The following OLFM2 variants were observed in gnomAD, a reference collection of about 807,000 sequenced individuals.
OLFM2 encodes the protein noelin-2.
OLFM2 carries 20 observed loss-of-function variants against 43.9 expected under a neutral mutation model. That is an observed-to-expected ratio of 0.46 (90% CI 0.32 to 0.66). The LOEUF is 0.66. Among genes scored for constraint, OLFM2 ranks in the 30% least tolerant of loss-of-function variants. The pLI is 0.04. For synonymous variants in OLFM2, 268 were observed against 278.6 expected (o/e 0.96, Z 0.38); for missense variants, 416 against 643.6 (o/e 0.65, Z 3.83).
At position 9,861,278 on chromosome 19, in the gene OLFM2, G is replaced by T. The variant is rs138767476; in HGVS notation, c.64-484C>A. On this transcript the variant is annotated intron_variant, in intron 1 of 5. Coordinates refer to ENST00000264833, the MANE Select transcript of OLFM2 (RefSeq NM_058164.4). The stretch of plus-strand genomic sequence containing the variant: ...CAGTCTTGCCCTGTCACCCAGGCTG[G>T]AGAGCAGTGGCGCGATCTGGGCTCA... Among the ~76,000 whole-genome samples, 865 of 150,840 alleles carry T rather than the reference G, an allele frequency of 5.7e-3. 4 individuals carry two copies. Among genetic ancestry groups the T allele is most frequent in the African/African-American group, 0.02 (824 of 40,958 alleles).
intron 1 of OLFM2, among the ~76,000 whole-genome samples, chr19:9,929,281 C>T (rs1282191015): frequency 6.6e-6 from 1 of 152,088 alleles, no homozygotes; most frequent in Non-Finnish European, 1.5e-5. Context: ...ACAGAAGGCT[C>T]TCAATGAATG....
chr19:9,881,953 T>G (rs1258290838), intron 1 of OLFM2, among the ~76,000 whole-genome samples: 1 of 152,190 alleles, frequency 6.6e-6, no homozygotes, highest in Non-Finnish European at 1.5e-5. Context: ...ACATATGGGC[T>G]GGGCGTGGTG....
At chr19:9,897,465 T>C (rs1194697591) in intron 1 of OLFM2, among the ~76,000 whole-genome samples, 1 of 151,942 alleles carries the variant, frequency 6.6e-6, no homozygotes, top group African/African-American at 2.4e-5. Flanking sequence ...GCCACTGCAC[T>C]CCAGCCTGGA....
intron 1 of OLFM2, among the ~76,000 whole-genome samples, chr19:9,876,281 C>T (rs1386735971): frequency 6.6e-6 from 1 of 152,134 alleles, no homozygotes; most frequent in East Asian, 1.9e-4. Context: ...TGGAAAAGGT[C>T]GCCATGGGGG....
intron 1 of OLFM2, among the ~76,000 whole-genome samples, chr19:9,871,863 T>C (rs2046445363): frequency 6.6e-6 from 1 of 152,150 alleles, no homozygotes; most frequent in East Asian, 1.9e-4. Flanking sequence ...GGTATGTTTG[T>C]TGAATGAGGA....
chr19:9,931,358 T>C (rs2086480939), intron 1 of OLFM2, among the ~76,000 whole-genome samples: 1 of 152,142 alleles, frequency 6.6e-6, no homozygotes, highest in South Asian at 2.1e-4. Flanking sequence ...CAAGTGATCT[T>C]CACACCTCAG....
At chr19:9,933,895 G>A (rs977142925) in intron 1 of OLFM2, among the ~76,000 whole-genome samples, 1 of 152,114 alleles carries the variant, frequency 6.6e-6, no homozygotes, top group East Asian at 1.9e-4. Flanking sequence ...TATTCTTCAT[G>A]CTACTTGCAT....
In OLFM2 at chr19:9,854,714, G is replaced by C; in HGVS notation, c.837C>G (p.Phe279Leu). Residue 279 changes from phenylalanine to leucine, a missense_variant, in exon 6 of 6, where the codon TTC becomes TTG. Coordinates refer to ENST00000264833, the MANE Select transcript of OLFM2 (RefSeq NM_058164.4). This position sits in a 1 kb window ranked among gnomAD's most constrained non-coding sequence, Gnocchi z 9.5. ...CCACGTTGCTCTGGTACTTGTTATA[G>C]AACAGGGAGCCGTTGTACACCACGT... ...TGHVVYNGSL[F>L]YNKYQSNVVV... is the part of the protein sequence containing the mutation. The C allele has an allele frequency of 6.2e-7, 1 of 1,614,204 alleles. No homozygotes were observed. The highest frequency in any genetic ancestry group is 8.5e-7 in the Non-Finnish European group (1 of 1,180,028).
At chr19:9,932,711 C>T (rs1266782874) in intron 1 of OLFM2, among the ~76,000 whole-genome samples, 2 of 152,110 alleles carry the variant, frequency 1.3e-5, no homozygotes, top group Non-Finnish European at 2.9e-5. Context: ...CTGAAAGCCC[C>T]AGGAAAGAGT....
intron 1 of OLFM2, among the ~76,000 whole-genome samples, chr19:9,894,010 G>C (rs780939148): frequency 6.6e-6 from 1 of 152,052 alleles, no homozygotes. Flanking sequence ...GGGTTTTCTT[G>C]GTCGGGCATG....
In OLFM2 at chr19:9,866,497, CTT is replaced by C. The variant is rs35368530; in HGVS notation, c.64-5705_64-5704del. Reference sequence around the variant, plus strand: ...CAGATGTACTAAAGAAGCCAACCCACTTTTTTTTTTTTTTTTTTTTGAGACAG... The same window carrying C: ...CAGATGTACTAAAGAAGCCAACCCACTTTTTTTTTTTTTTTTTTGAGACAG... On this transcript the variant is annotated intron_variant, in intron 1 of 5. Coordinates refer to ENST00000264833, the MANE Select transcript of OLFM2 (RefSeq NM_058164.4). 3.3e-4 allele frequency among the ~76,000 whole-genome samples: 42 copies of C among 125,538 alleles called. 1 individual carries two copies. Among genetic ancestry groups the C allele is most frequent in the African/African-American group, 7.0e-4 (23 of 33,046 alleles). The allele number at this position is 125,538 out of a possible 152,430, so 82.4% of individuals were successfully genotyped here. A position where few individuals can be genotyped will look rare whatever the true frequency, so the allele number is the denominator to read the frequency against.
intron 1 of OLFM2, among the ~76,000 whole-genome samples, chr19:9,874,329 T>TTTTC (rs386388532): frequency 9.4e-4 from 1 of 1,066 alleles, no homozygotes; most frequent in Non-Finnish European, 5.1e-3. Context: ...CCCACTGGCC[T>TTTTC]TTTTTTTTTT....
chr19:9,881,148 C>T (rs1427672253), intron 1 of OLFM2, among the ~76,000 whole-genome samples: 2 of 152,174 alleles, frequency 1.3e-5, no homozygotes, highest in African/African-American at 2.4e-5. Flanking sequence ...CTGCCTGCCT[C>T]GGCCTCCCAA....
intron 1 of OLFM2, among the ~76,000 whole-genome samples, chr19:9,898,071 A>ATTTTT (rs35231898): frequency 1.6e-5 from 2 of 127,870 alleles, no homozygotes; most frequent in Non-Finnish European, 3.2e-5. Flanking sequence ...TGCCCAGCTA[A>ATTTTT]TTTTTTTTTT....
intron 1 of OLFM2, among the ~76,000 whole-genome samples, chr19:9,926,786 C>A (rs2086456141): frequency 6.6e-6 from 1 of 151,302 alleles, no homozygotes; most frequent in Non-Finnish European, 1.5e-5. Flanking sequence ...TCAAGACCGG[C>A]CTGGACAATA....
At position 9,856,174 on chromosome 19, in the gene OLFM2, C is replaced by T. The variant is rs1036475159; in HGVS notation, c.687+633G>A. ...AGTGCAATGGTGCGATCTTGGCTCACTGCAACCTCTGCCTCCAGGGTTCAA... is the reference window on the plus strand; with the variant it reads ...AGTGCAATGGTGCGATCTTGGCTCATTGCAACCTCTGCCTCCAGGGTTCAA... On this transcript the variant is annotated intron_variant, in intron 5 of 5. Transcript: ENST00000264833. This position sits in a 1 kb window ranked among gnomAD's most constrained non-coding sequence, Gnocchi z 4.0. Among the ~76,000 whole-genome samples, 20 of 152,224 alleles carry T rather than the reference C, an allele frequency of 1.3e-4. No homozygotes were observed. The highest frequency in any genetic ancestry group is 3.9e-4 in the African/African-American group (16 of 41,452).
At chr19:9,887,738 C>G (rs1289357942) in intron 1 of OLFM2, among the ~76,000 whole-genome samples, 1 of 152,134 alleles carries the variant, frequency 6.6e-6, no homozygotes, top group Non-Finnish European at 1.5e-5. Context: ...CTCCCATCTC[C>G]CCTGAGTTAA....
chr19:9,900,557 C>A (rs539736000), intron 1 of OLFM2, among the ~76,000 whole-genome samples: 1 of 151,828 alleles, frequency 6.6e-6, no homozygotes, highest in East Asian at 1.9e-4. Context: ...CTTTGCATTG[C>A]CCCCCATACT....
chr19:9,889,022 C>T (rs531906429), intron 1 of OLFM2, among the ~76,000 whole-genome samples: 150 of 151,302 alleles, frequency 9.9e-4, no homozygotes, highest in African/African-American at 3.4e-3. Flanking sequence ...GCCAAGATTG[C>T]GCCACTGCAC....
Sources: gnomAD v4.1 joint callset for allele counts (sites outside exome capture counted in the v4.1 genomes callset) on GRCh38, gnomAD v4.1.1 for gene constraint, Gnocchi (gnomAD v3.1) non-coding constraint, MANE v1.5 for transcripts, NCBI Gene and HGNC (gene_info 2026-07-23, HGNC 2026-07-21) for gene names.